The following PDE10A variants were observed in gnomAD, a reference collection of about 807,000 sequenced individuals.
The protein encoded by PDE10A is phosphodiesterase 10A, also known as cAMP and cAMP-inhibited cGMP 3',5'-cyclic phosphodiesterase 10A.
PDE10A carries 39 observed loss-of-function variants against 97.7 expected under a neutral mutation model. That is an observed-to-expected ratio of 0.40 (90% CI 0.31 to 0.52). PDE10A has a LOEUF of 0.52. PDE10A is among the 20% of genes least tolerant of loss of function. The probability of loss-of-function intolerance (pLI) is 0.56; values close to 1 mark genes in which losing one functional copy is unlikely to be tolerated. For missense variants in PDE10A, 731 were observed against 1,047.8 expected, an observed-to-expected ratio of 0.70 and a Z score of 4.17; for synonymous variants, 371 against 376.8, an observed-to-expected ratio of 0.98 and a Z score of 0.18.
intron 16 of PDE10A, among the ~76,000 whole-genome samples, chr6:165,392,326 G>T (rs1467433201): frequency 6.6e-6 from 1 of 152,054 alleles, no homozygotes; most frequent in Non-Finnish European, 1.5e-5. Context: ...ATTATCCAGG[G>T]CATATAAGCA....
chr6:165,761,081 G>A (rs894659867), intron 1 of PDE10A, among the ~76,000 whole-genome samples: 1 of 152,182 alleles, frequency 6.6e-6, no homozygotes, highest in African/African-American at 2.4e-5. Flanking sequence ...CCGTTCCCGG[G>A]TGGTAACCTG....
At chr6:165,811,789 T>G (rs935408993) in intron 1 of PDE10A, among the ~76,000 whole-genome samples, 1 of 152,234 alleles carries the variant, frequency 6.6e-6, no homozygotes, top group Admixed American at 6.5e-5. Flanking sequence ...CGTTGACTCA[T>G]TTATTTTAAT....
At chr6:165,602,810 G>A (rs1236304647) in intron 1 of PDE10A, among the ~76,000 whole-genome samples, 2 of 152,038 alleles carry the variant, frequency 1.3e-5, no homozygotes, top group Non-Finnish European at 2.9e-5. Context: ...ATAAGAAGAC[G>A]GCCACCTCTC....
intron 1 of PDE10A, among the ~76,000 whole-genome samples, chr6:165,546,951 C>T (rs149817394): frequency 1.3e-5 from 2 of 152,180 alleles, no homozygotes; most frequent in East Asian, 1.9e-4. Context: ...TAATTGCATA[C>T]ATACAGCACC....
intron 1 of PDE10A, among the ~76,000 whole-genome samples, chr6:165,598,602 T>A (rs189867509): frequency 1.4e-4 from 22 of 152,276 alleles, no homozygotes; most frequent in Middle Eastern, 6.8e-3. Flanking sequence ...ATAGTATCAA[T>A]CTTATAAGGA....
intron 1 of PDE10A, among the ~76,000 whole-genome samples, chr6:165,741,615 G>A (rs1461916435): frequency 6.6e-6 from 1 of 152,110 alleles, no homozygotes; most frequent in East Asian, 1.9e-4. Flanking sequence ...TAAAAAGCAT[G>A]TCATTTTACA....
At chr6:165,465,228 A>G (rs143724012) in intron 3 of PDE10A, among the ~76,000 whole-genome samples, 13 of 152,362 alleles carry the variant, frequency 8.5e-5, no homozygotes, top group East Asian at 5.8e-4. Context: ...ATGAGCAACT[A>G]TAATGACCCA....
At chr6:165,862,861 G>T (rs867528931) in intron 1 of PDE10A, among the ~76,000 whole-genome samples, 1 of 152,038 alleles carries the variant, frequency 6.6e-6, no homozygotes. Flanking sequence ...TGTATTTTTA[G>T]TACAGATGGG....
chr6:165,771,647 A>T (rs1778012450), intron 1 of PDE10A, among the ~76,000 whole-genome samples: 1 of 112,294 alleles, frequency 8.9e-6, no homozygotes, highest in Non-Finnish European at 1.7e-5. Flanking sequence ...TCTCCAGTTT[A>T]ACAAGATAAA....
At chr6:165,807,660 G>A (rs1026971582) in intron 1 of PDE10A, among the ~76,000 whole-genome samples, 2 of 152,072 alleles carry the variant, frequency 1.3e-5, no homozygotes, top group Non-Finnish European at 2.9e-5. Flanking sequence ...AGAAACATTT[G>A]AAAAGAACAT....
intron 1 of PDE10A, among the ~76,000 whole-genome samples, chr6:165,827,658 T>C (rs1583157012): frequency 6.6e-6 from 1 of 152,238 alleles, no homozygotes; most frequent in East Asian, 1.9e-4. Context: ...TTCTTTCTAA[T>C]GCATTTTTTA....
At chr6:165,960,303 C>T (rs983085128) in intron 1 of PDE10A, among the ~76,000 whole-genome samples, 7 of 152,182 alleles carry the variant, frequency 4.6e-5, no homozygotes, top group African/African-American at 1.2e-4. Flanking sequence ...TCCTGGAACA[C>T]AGCACAAAGT....
chr6:165,636,771 C>T (rs1788899227), intron 1 of PDE10A, among the ~76,000 whole-genome samples: 1 of 152,176 alleles, frequency 6.6e-6, no homozygotes, highest in African/African-American at 2.4e-5. Flanking sequence ...CCTTTTGATG[C>T]CCTGTGTTTG....
intron 1 of PDE10A, among the ~76,000 whole-genome samples, chr6:165,982,247 T>C (rs1015069498): frequency 2.0e-5 from 3 of 152,186 alleles, no homozygotes; most frequent in Non-Finnish European, 2.9e-5. Context: ...CCTAGATTCA[T>C]TCAGTCCCAG....
chr6:165,875,731 G>GTTTT (rs748111095), intron 1 of PDE10A, among the ~76,000 whole-genome samples: 16 of 46,936 alleles, frequency 3.4e-4, no homozygotes, highest in African/African-American at 1.2e-3. Context: ...TTCTTTTACT[G>GTTTT]TTTTTTTTTT....
chr6:165,742,198 G>C (rs1792742782), intron 1 of PDE10A, among the ~76,000 whole-genome samples: 1 of 152,194 alleles, frequency 6.6e-6, no homozygotes, highest in Non-Finnish European at 1.5e-5. Context: ...AAACTAGTCT[G>C]TGCGCCTTCA....
chr6:165,763,387 A>G (rs1793297693), intron 1 of PDE10A, among the ~76,000 whole-genome samples: 1 of 152,108 alleles, frequency 6.6e-6, no homozygotes, highest in South Asian at 2.1e-4. Flanking sequence ...CAGTGGCATG[A>G]TCTCGGCTCA....
chr6:165,413,748 ACAGT>A (rs1179817440), intron 12 of PDE10A, 61 bp from the exon 13 acceptor site: 9 of 1,345,444 alleles, frequency 6.7e-6, no homozygotes, highest in South Asian at 2.6e-5. Context: ...AATAAAGGAC[ACAGT>A]CAGTCATAAA....
chr6:165,630,029 G>GA (rs1788560430), intron 1 of PDE10A, among the ~76,000 whole-genome samples: 1 of 151,984 alleles, frequency 6.6e-6, no homozygotes. Context: ...ATTGTCAACA[G>GA]AAAAATCTCA....
Sources: gnomAD v4.1 joint callset for allele counts (sites outside exome capture counted in the v4.1 genomes callset) on GRCh38, gnomAD v4.1.1 for gene constraint, MANE v1.5 for transcripts, NCBI Gene and HGNC (gene_info 2026-07-23, HGNC 2026-07-21) for gene names.